FSHR: variants seen among roughly 807,000 people sequenced by gnomAD.
FSHR encodes the protein follicle stimulating hormone receptor, also known as follicle-stimulating hormone receptor.
In FSHR, 46 loss-of-function variants were observed where a neutral mutation model predicts 52.1. The ratio of observed to expected loss-of-function variants is 0.88; its 90% CI spans 0.70 to 1.13. The LOEUF (loss-of-function observed/expected upper bound fraction) is 1.13, where lower values mean the gene tolerates loss of function less well. FSHR is among the 50% of genes most tolerant of loss of function. The probability of loss-of-function intolerance (pLI) is 0.00; values close to 1 mark genes in which losing one functional copy is unlikely to be tolerated. For missense variants in FSHR, 964 were observed against 834.6 expected (o/e 1.16, Z -1.91); for synonymous variants, 399 against 309.6 (o/e 1.29, Z -3.03).
In FSHR at chr2:49,075,518, G is replaced by C. The variant is rs539475945; in HGVS notation, c.153-7228C>G. On this transcript the variant is annotated intron_variant, in intron 1 of 9. Transcript: ENST00000406846. ...AGAATATTTGTTTATAATCAGCAAA[G>C]AATAAAAACTGAGAGAGAAAAAAAG... 5.3e-5 allele frequency among the ~76,000 whole-genome samples: 8 copies of C among 151,888 alleles called. No individual in the cohort carries two copies. The South Asian group carries it at 1.7e-3, about 32-fold the overall frequency.
intron 1 of FSHR, among the ~76,000 whole-genome samples, chr2:49,137,815 A>C (rs1437498691): frequency 6.6e-6 from 1 of 152,112 alleles, no homozygotes; most frequent in Non-Finnish European, 1.5e-5. Flanking sequence ...ATGGATAAAA[A>C]CCCACAGGTA....
At chr2:49,006,489 C>A (rs971240335) in intron 4 of FSHR, among the ~76,000 whole-genome samples, 1 of 152,094 alleles carries the variant, frequency 6.6e-6, no homozygotes, top group Non-Finnish European at 1.5e-5. Context: ...TCTTTACATC[C>A]TTTATCATTT....
intron 4 of FSHR, chr2:49,014,920 A>C: frequency 2.1e-6 from 1 of 470,430 alleles, no homozygotes; most frequent in South Asian, 1.6e-5. Context: ...CCACTTTGGC[A>C]TTCTCCAAAA....
chr2:49,119,799 C>T (rs1671743854), intron 1 of FSHR, among the ~76,000 whole-genome samples: 1 of 152,202 alleles, frequency 6.6e-6, no homozygotes, highest in African/African-American at 2.4e-5. Context: ...TGATTTCACA[C>T]TTAGAGCTGT....
At chr2:49,007,422 A>C (rs564753137) in intron 4 of FSHR, among the ~76,000 whole-genome samples, 3 of 152,300 alleles carry the variant, frequency 2.0e-5, no homozygotes, top group Admixed American at 6.5e-5. Flanking sequence ...AGCATTATTC[A>C]ACCAGCTGTT....
intron 2 of FSHR, among the ~76,000 whole-genome samples, chr2:49,066,329 G>A (rs371585750): frequency 2.0e-5 from 3 of 152,016 alleles, no homozygotes; most frequent in Non-Finnish European, 4.4e-5. Flanking sequence ...TATTTATTAA[G>A]TTCAGGAAAC....
At chr2:49,032,511 T>C (rs1668134466) in intron 2 of FSHR, among the ~76,000 whole-genome samples, 1 of 152,226 alleles carries the variant, frequency 6.6e-6, no homozygotes, top group Admixed American at 6.5e-5. Context: ...AAGGAGCATC[T>C]AACTTAACAG....
At chr2:49,092,463 A>T (rs1187078757) in intron 1 of FSHR, among the ~76,000 whole-genome samples, 1 of 152,208 alleles carries the variant, frequency 6.6e-6, no homozygotes, top group Non-Finnish European at 1.5e-5. Flanking sequence ...ACAATTAAGT[A>T]TGGTGTTTGT....
intron 1 of FSHR, among the ~76,000 whole-genome samples, chr2:49,122,422 C>A (rs901907700): frequency 6.6e-6 from 1 of 152,184 alleles, no homozygotes; most frequent in South Asian, 2.1e-4. Flanking sequence ...TTACTACAGT[C>A]GGGGTCTTCT....
chr2:49,048,986 T>C (rs1395250984), intron 2 of FSHR, among the ~76,000 whole-genome samples: 4 of 152,050 alleles, frequency 2.6e-5, no homozygotes, highest in Non-Finnish European at 5.9e-5. Flanking sequence ...ATGGGCTAAA[T>C]GAGGAAATAA....
intron 1 of FSHR, among the ~76,000 whole-genome samples, chr2:49,105,557 G>A (rs1671191609): frequency 6.6e-6 from 1 of 152,172 alleles, no homozygotes; most frequent in Non-Finnish European, 1.5e-5. Flanking sequence ...ATTTAAATGA[G>A]AAAAACAACT....
chr2:49,058,068 T>C (rs994435374), intron 2 of FSHR, among the ~76,000 whole-genome samples: 1 of 152,196 alleles, frequency 6.6e-6, no homozygotes, highest in African/African-American at 2.4e-5. Context: ...ATCATGTGGA[T>C]TGAGGAAAAG....
chr2:49,022,029 G>A (rs1188182617), intron 2 of FSHR, among the ~76,000 whole-genome samples: 1 of 150,932 alleles, frequency 6.6e-6, no homozygotes, highest in African/African-American at 2.4e-5. Context: ...AGGGATGGAA[G>A]AAGAAAGCCT....
rs1192964971 is a variant in FSHR at position 49,013,498 on chromosome 2, AT to A, written c.374+3990del. On this transcript the variant is annotated intron_variant, in intron 4 of 9. Transcript: ENST00000406846. Reference sequence around the variant, plus strand: ...TATATATAAATAAATATATATATATATAAATATATATATATATAAATATATA... The same window carrying A: ...TATATATAAATAAATATATATATATAAAATATATATATATATAAATATATA... Among the ~76,000 whole-genome samples, 180 of 66,004 alleles carry A rather than the reference AT, an allele frequency of 2.7e-3. 1 individual carries two copies. The East Asian group carries it at 0.039, about 14-fold the overall frequency. The allele number at this position is 66,004 out of a possible 152,430, so 43.3% of individuals were successfully genotyped here. A position where few individuals can be genotyped will look rare whatever the true frequency, so the allele number is the denominator to read the frequency against.
At chr2:49,052,192 T>A (rs950325073) in intron 2 of FSHR, among the ~76,000 whole-genome samples, 8 of 152,194 alleles carry the variant, frequency 5.3e-5, no homozygotes, top group Non-Finnish European at 1.0e-4. Context: ...GTCACTTTGT[T>A]GCTCAAAACA....
At chr2:49,007,261 G>C (rs1388661439) in intron 4 of FSHR, among the ~76,000 whole-genome samples, 3 of 151,912 alleles carry the variant, frequency 2.0e-5, no homozygotes, top group African/African-American at 7.3e-5. Context: ...GCATCCTCCT[G>C]TCAGAAGAGC....
At chr2:49,049,191 A>G (rs1241921852) in intron 2 of FSHR, among the ~76,000 whole-genome samples, 1 of 152,056 alleles carries the variant, frequency 6.6e-6, no homozygotes, top group Non-Finnish European at 1.5e-5. Context: ...CAAGGAGGAA[A>G]AAAAAAAGGC....
chr2:49,034,316 C>A (rs115939381), intron 2 of FSHR, among the ~76,000 whole-genome samples: 3 of 152,146 alleles, frequency 2.0e-5, no homozygotes, highest in South Asian at 2.1e-4. Context: ...TATTGCCTGA[C>A]CCCCCTTCCG....
rs965264401 is a variant in FSHR at position 49,020,067 on chromosome 2, C to T, written c.299+19G>A. Reference sequence around the variant, plus strand: ...TTTCAAGAATGGCCATGAGCAAATCCCCCAATCTTCTTGCTTACATTTCAT... The same window carrying T: ...TTTCAAGAATGGCCATGAGCAAATCTCCCAATCTTCTTGCTTACATTTCAT... On this transcript the variant is annotated intron_variant, in intron 3 of 9. Transcript: ENST00000406846. 1.9e-6 allele frequency: 3 copies of T among 1,608,144 alleles called. No individual in the cohort carries two copies. The highest frequency in any genetic ancestry group is 4.5e-5 in the East Asian group (2 of 44,844).
Sources: allele counts gnomAD v4.1 joint callset (sites outside exome capture counted in the v4.1 genomes callset), GRCh38; gene constraint gnomAD v4.1.1; transcripts MANE v1.5; gene names NCBI Gene and HGNC (gene_info 2026-07-23, HGNC 2026-07-21).